Variants in ACVR1 observed in about 807,000 individuals in gnomAD.
ACVR1 encodes activin A receptor type 1, also known as activin receptor type-1.
ACVR1 carries 38 observed loss-of-function variants against 57.1 expected under a neutral mutation model. The observed-to-expected ratio is 0.67, with a 90% CI of 0.51 to 0.87. ACVR1 has a LOEUF of 0.87. Ranked by LOEUF, ACVR1 falls within the 40% of genes least tolerant of loss-of-function variation. ACVR1 has a pLI of 0.00. For missense variants in ACVR1, 463 were observed against 638.2 expected (o/e 0.73, Z 2.96); for synonymous variants, 212 against 228.1 (o/e 0.93, Z 0.63).
chr2:157,760,892 T>C lies in ACVR1; in HGVS notation c.1252A>G (p.Met418Val). 1.2e-6 allele frequency: 2 copies of C among 1,614,118 alleles called. No homozygotes were observed. The highest frequency in any genetic ancestry group is 1.1e-5 in the South Asian group (1 of 91,084). ...ATTAGATACCTACCATTGCTCACCA[T>C]CCGCCTGGCCACTTCCCACAAAACA... ...GLVLWEVARR[M>V]VSNGIVEDYK... Residue 418 changes from methionine to valine, a missense_variant, in exon 9 of 11, where the codon ATG becomes GTG. Transcript: ENST00000434821.
chr2:157,861,200 T>A (rs1043601474), intron 1 of ACVR1, among the ~76,000 whole-genome samples: 1 of 152,238 alleles, frequency 6.6e-6, no homozygotes, highest in Non-Finnish European at 1.5e-5. Flanking sequence ...TTACTGTACA[T>A]TGGCTATTTC....
chr2:157,820,470 A>G (rs1164696915), intron 1 of ACVR1, among the ~76,000 whole-genome samples: 2 of 152,208 alleles, frequency 1.3e-5, no homozygotes, highest in Non-Finnish European at 2.9e-5. Flanking sequence ...CCATGTCTTT[A>G]AGTGAGAGTT....
chr2:157,743,891 G>A (rs1402781339), intron 9 of ACVR1, among the ~76,000 whole-genome samples: 3 of 152,096 alleles, frequency 2.0e-5, no homozygotes, highest in African/African-American at 4.8e-5. Context: ...CAAAGGTAAG[G>A]GAAAGAGGAA....
chr2:157,746,491 G>C (rs1684970146), intron 9 of ACVR1, among the ~76,000 whole-genome samples: 1 of 152,194 alleles, frequency 6.6e-6, no homozygotes, highest in Non-Finnish European at 1.5e-5. Context: ...GCAGTGCAAT[G>C]GCCCTAAGAG....
intron 9 of ACVR1, among the ~76,000 whole-genome samples, chr2:157,742,835 G>A (rs537140533): frequency 6.6e-6 from 1 of 152,190 alleles, no homozygotes; most frequent in South Asian, 2.1e-4. Flanking sequence ...TCTTCTTTCC[G>A]CTTGACAGCT....
intron 7 of ACVR1, among the ~76,000 whole-genome samples, chr2:157,769,499 G>T (rs964961880): frequency 2.6e-5 from 4 of 152,194 alleles, no homozygotes; most frequent in Non-Finnish European, 5.9e-5. Context: ...CACCACGGAA[G>T]CAAAGCTTTG....
chr2:157,870,831 G>A (rs1011636276), intron 1 of ACVR1, among the ~76,000 whole-genome samples: 1 of 152,166 alleles, frequency 6.6e-6, no homozygotes, highest in Non-Finnish European at 1.5e-5. Flanking sequence ...CTGAGAAGAG[G>A]TATCAAAAGC....
chr2:157,766,060 C>T lies in ACVR1; in HGVS notation c.927G>A (p.Val309=). 1 of 1,614,092 alleles carries T rather than the reference C, an allele frequency of 6.2e-7. No homozygotes were observed. Among genetic ancestry groups the T allele is most frequent in the Non-Finnish European group, 8.5e-7 (1 of 1,179,988 alleles). Residue 309 remains valine, a synonymous_variant, in exon 8 of 11, where the codon GTG becomes GTA. Coordinates refer to ENST00000434821, the MANE Select transcript of ACVR1 (RefSeq NM_001111067.4). ...GTGCAAGACCACTAGCTATGGACAGCACTATTCGAAGGCAGCTAACTGTAT... is the reference window on the plus strand; with the variant it reads ...GTGCAAGACCACTAGCTATGGACAGTACTATTCGAAGGCAGCTAACTGTAT... ...TLDTVSCLRI[V]LSIASGLAHL...
chr2:157,844,144 G>A (rs1471078319), intron 1 of ACVR1, among the ~76,000 whole-genome samples: 2 of 152,258 alleles, frequency 1.3e-5, no homozygotes, highest in Admixed American at 1.3e-4. Flanking sequence ...GCTGGGGGCC[G>A]CCCTCGGCAT....
intron 3 of ACVR1, among the ~76,000 whole-genome samples, chr2:157,784,945 T>G (rs1419579343): frequency 6.6e-6 from 1 of 152,270 alleles, no homozygotes; most frequent in Middle Eastern, 3.2e-3. Context: ...CATTTATGTT[T>G]AAGTGGGACT....
At chr2:157,774,022 T>G in intron 6 of ACVR1, 66 bp downstream of exon 6, 2 of 1,418,286 alleles carry the variant, frequency 1.4e-6, no homozygotes, top group South Asian at 1.2e-5. Flanking sequence ...CCAAGTTCCA[T>G]CTTTTACTTC....
At chr2:157,857,782 G>A (rs1689586714) in intron 1 of ACVR1, among the ~76,000 whole-genome samples, 1 of 152,162 alleles carries the variant, frequency 6.6e-6, no homozygotes, top group Non-Finnish European at 1.5e-5. Context: ...AGATTGTTGT[G>A]TCTAGAGAAT....
At chr2:157,855,300 G>GTATATA (rs1689477965) in intron 1 of ACVR1, among the ~76,000 whole-genome samples, 5 of 69,328 alleles carry the variant, frequency 7.2e-5, no homozygotes, top group African/African-American at 3.2e-4. Context: ...GTGTGTGTGT[G>GTATATA]TGTGTGTGTA....
chr2:157,783,686 A>T (rs759225442), intron 3 of ACVR1, among the ~76,000 whole-genome samples: 4 of 152,218 alleles, frequency 2.6e-5, no homozygotes, highest in Non-Finnish European at 4.4e-5. Flanking sequence ...TAATTAACTC[A>T]ATCTCTGATA....
intron 2 of ACVR1, among the ~76,000 whole-genome samples, chr2:157,805,059 C>T (rs925459782): frequency 6.6e-6 from 1 of 152,188 alleles, no homozygotes; most frequent in Non-Finnish European, 1.5e-5. Flanking sequence ...GAATATAATA[C>T]ACTTCTATAT....
At chr2:157,798,474 T>C (rs1276007682) in intron 3 of ACVR1, among the ~76,000 whole-genome samples, 1 of 144,642 alleles carries the variant, frequency 6.9e-6, no homozygotes, top group Non-Finnish European at 1.5e-5. Context: ...TGTCTTCTTG[T>C]AGACTCATGC....
At chr2:157,754,598 G>A (rs1180639137) in intron 9 of ACVR1, among the ~76,000 whole-genome samples, 1 of 151,978 alleles carries the variant, frequency 6.6e-6, no homozygotes, top group Non-Finnish European at 1.5e-5. Context: ...CAAGCAGCAA[G>A]CCTGAAATGG....
intron 9 of ACVR1, among the ~76,000 whole-genome samples, chr2:157,755,970 C>T (rs2924792): frequency 0.42 from 63,742 of 151,812 alleles, 18,795 homozygotes; most frequent in African/African-American, 0.85. Flanking sequence ...AATAGGCACA[C>T]AGACCAATGG....
chr2:157,750,226 C>T (rs1685130748), intron 9 of ACVR1, among the ~76,000 whole-genome samples: 1 of 152,216 alleles, frequency 6.6e-6, no homozygotes, highest in African/African-American at 2.4e-5. Context: ...GCCACACAAG[C>T]CACCCAGAAG....
Sources: allele counts gnomAD v4.1 joint callset (sites outside exome capture counted in the v4.1 genomes callset), GRCh38; gene constraint gnomAD v4.1.1; transcripts MANE v1.5; gene names NCBI Gene and HGNC (gene_info 2026-07-23, HGNC 2026-07-21).